STON2: variants seen among roughly 807,000 people sequenced by gnomAD.
The protein encoded by STON2 is stonin-2.
Under a neutral mutation model 65.7 loss-of-function variants are expected in STON2, and 29 were observed. The observed-to-expected ratio is 0.44, with a 90% CI of 0.33 to 0.60. STON2 has a LOEUF of 0.60. STON2 is among the 20% of genes least tolerant of loss of function. STON2 has a pLI of 0.03. For synonymous variants in STON2, 404 were observed against 414.2 expected (o/e 0.98, Z 0.30); for missense variants, 1,054 against 1,118.1 (o/e 0.94, Z 0.82).
At chr14:81,317,604 T>TGTGC (rs1473627780) in intron 5 of STON2, among the ~76,000 whole-genome samples, 1 of 152,204 alleles carries the variant, frequency 6.6e-6, no homozygotes, top group Non-Finnish European at 1.5e-5. Flanking sequence ...CAGGGAAAGA[T>TGTGC]GTGCCATCGG....
chr14:81,291,332 A>G (rs1269783365), intron 5 of STON2, among the ~76,000 whole-genome samples: 1 of 152,220 alleles, frequency 6.6e-6, no homozygotes, highest in Non-Finnish European at 1.5e-5. Flanking sequence ...CCAAAGAAGT[A>G]CAGGAATTCA....
intron 5 of STON2, among the ~76,000 whole-genome samples, chr14:81,292,590 T>G (rs914878565): frequency 6.6e-6 from 1 of 152,194 alleles, no homozygotes; most frequent in Non-Finnish European, 1.5e-5. Context: ...TGCCACCATG[T>G]GAAGAAGGAT....
At chr14:81,429,672 G>A (rs1026209247) in intron 1 of STON2, among the ~76,000 whole-genome samples, 9 of 152,274 alleles carry the variant, frequency 5.9e-5, no homozygotes, top group African/African-American at 9.6e-5. Context: ...GATGGCTCAC[G>A]CCTGTAATCC....
chr14:81,319,486 T>C (rs1896745391), intron 5 of STON2, among the ~76,000 whole-genome samples: 1 of 152,204 alleles, frequency 6.6e-6, no homozygotes, highest in South Asian at 2.1e-4. Context: ...CCATCTAGCA[T>C]CTGGGTTAGT....
intron 5 of STON2, among the ~76,000 whole-genome samples, chr14:81,311,802 C>T (rs916662634): frequency 1.3e-5 from 2 of 152,200 alleles, no homozygotes; most frequent in Non-Finnish European, 2.9e-5. Context: ...TCTCTGGAAA[C>T]GAGTCAGGGG....
At chr14:81,309,928 T>G (rs894217383) in intron 5 of STON2, among the ~76,000 whole-genome samples, 1 of 152,146 alleles carries the variant, frequency 6.6e-6, no homozygotes, top group African/African-American at 2.4e-5. Context: ...CATGGTCACT[T>G]TGGAAGAGTA....
In STON2 at chr14:81,263,760, A is replaced by G. The variant is rs1894253001; in HGVS notation, c.*4654T>C. 2.0e-6 allele frequency: 2 copies of G among 985,258 alleles called. No individual in the cohort carries two copies. The highest frequency in any genetic ancestry group is 9.4e-5 in the South Asian group (2 of 21,288). The allele number at this position is 985,258 out of a possible 1,614,324, so 61.0% of individuals were successfully genotyped here. A position where few individuals can be genotyped will look rare whatever the true frequency, so the allele number is the denominator to read the frequency against. ...TTAGAAGAGTTAAAGTTACCACTCGAACTGGGAGCATTTCTATAAGCAGGC... is the reference window on the plus strand; with the variant it reads ...TTAGAAGAGTTAAAGTTACCACTCGGACTGGGAGCATTTCTATAAGCAGGC... On this transcript the variant is annotated 3_prime_UTR_variant, in exon 8 of 8. Transcript: ENST00000614646.
chr14:81,394,377 A>C (rs1900218177), intron 3 of STON2, among the ~76,000 whole-genome samples: 1 of 152,216 alleles, frequency 6.6e-6, no homozygotes, highest in Non-Finnish European at 1.5e-5. Context: ...CAAAACATTT[A>C]ACACACCAAC....
chr14:81,381,412 T>C (rs1368991786), intron 3 of STON2, among the ~76,000 whole-genome samples: 1 of 152,098 alleles, frequency 6.6e-6, no homozygotes, highest in Non-Finnish European at 1.5e-5. Context: ...ATTCACAGGA[T>C]AGGAGATAAT....
rs1253436020 is a variant in STON2 at position 81,380,148 on chromosome 14, AAAAC to A, written c.374-8967_374-8964del. 2.8e-4 allele frequency among the ~76,000 whole-genome samples: 42 copies of A among 152,342 alleles called. 1 individual carries two copies. The highest frequency in any genetic ancestry group is 2.5e-3 in the Admixed American group (38 of 15,306). ...ATAAGAAACTTAAATCAACAAGCAA[AAAAC>A]AAACAACCCCATTAAAATGGGCAAA... On this transcript the variant is annotated intron_variant, in intron 3 of 7. Coordinates refer to ENST00000614646, the MANE Select transcript of STON2 (RefSeq NM_001394390.1).
At chr14:81,350,988 T>C (rs1234532497) in intron 4 of STON2, among the ~76,000 whole-genome samples, 2 of 152,190 alleles carry the variant, frequency 1.3e-5, no homozygotes, top group Non-Finnish European at 2.9e-5. Flanking sequence ...ATTACTCATC[T>C]GGGAAACTAC....
At chr14:81,388,716 C>A (rs1482080712) in intron 3 of STON2, among the ~76,000 whole-genome samples, 1 of 152,136 alleles carries the variant, frequency 6.6e-6, no homozygotes, top group Non-Finnish European at 1.5e-5. Flanking sequence ...AAGATGTATT[C>A]TTTTGATTTT....
chr14:81,275,582 T>G (rs1894782204), intron 6 of STON2, among the ~76,000 whole-genome samples: 1 of 152,154 alleles, frequency 6.6e-6, no homozygotes, highest in South Asian at 2.1e-4. Context: ...AAGACAGTGC[T>G]GATTTCAGGG....
chr14:81,406,481 T>C (rs993065288), intron 2 of STON2, among the ~76,000 whole-genome samples: 3 of 152,194 alleles, frequency 2.0e-5, no homozygotes, highest in Admixed American at 6.5e-5. Flanking sequence ...TGGCTGCTTT[T>C]GGTCTACAAT....
At chr14:81,368,582 C>T (rs375185341) in intron 4 of STON2, among the ~76,000 whole-genome samples, 272 of 152,234 alleles carry the variant, frequency 1.8e-3, no homozygotes, top group African/African-American at 6.5e-3. Context: ...GGCGCGGTGG[C>T]ACACACCTGT....
intron 4 of STON2, among the ~76,000 whole-genome samples, chr14:81,337,804 T>C (rs887715472): frequency 6.6e-6 from 1 of 152,042 alleles, no homozygotes; most frequent in Non-Finnish European, 1.5e-5. Flanking sequence ...CATTATGATA[T>C]AATATGAAAT....
At chr14:81,428,951 C>A (rs972103450) in intron 1 of STON2, among the ~76,000 whole-genome samples, 5 of 152,152 alleles carry the variant, frequency 3.3e-5, no homozygotes, top group Admixed American at 6.5e-5. Flanking sequence ...CTCTACTTCT[C>A]GGCATTTGGC....
intron 4 of STON2, among the ~76,000 whole-genome samples, chr14:81,363,322 T>C (rs946607869): frequency 6.6e-6 from 1 of 152,290 alleles, no homozygotes; most frequent in African/African-American, 2.4e-5. Flanking sequence ...AAAAATTATA[T>C]ATAAAAATCA....
intron 1 of STON2, chr14:81,427,407 A>G (rs532517025): frequency 1.1e-4 from 17 of 152,268 alleles, no homozygotes; most frequent in African/African-American, 4.1e-4. Flanking sequence ...CAGCCAAGTC[A>G]CCCAGACCGG....
Sources: allele counts gnomAD v4.1 joint callset (sites outside exome capture counted in the v4.1 genomes callset), GRCh38; gene constraint gnomAD v4.1.1; transcripts MANE v1.5; gene names NCBI Gene and HGNC (gene_info 2026-07-23, HGNC 2026-07-21).